The following WASF1 variants were observed in gnomAD, a reference collection of about 807,000 sequenced individuals.
WASF1 encodes WASP family member 1.
In WASF1, 7 loss-of-function variants were observed where a neutral mutation model predicts 50.5. The ratio of observed to expected loss-of-function variants is 0.14; its 90% CI spans 0.08 to 0.26. The LOEUF (loss-of-function observed/expected upper bound fraction) is 0.26. WASF1 is among the 10% of genes least tolerant of loss of function. The pLI is 1.00. For missense variants in WASF1, 470 were observed against 694.7 expected, an observed-to-expected ratio of 0.68 and a Z score of 3.64; for synonymous variants, 205 against 244.0, an observed-to-expected ratio of 0.84 and a Z score of 1.49.
At chr6:110,170,326 G>C (rs1235236599) in intron 2 of WASF1, among the ~76,000 whole-genome samples, 1 of 152,040 alleles carries the variant, frequency 6.6e-6, no homozygotes, top group African/African-American at 2.4e-5. Context: ...AGGCTCAAGT[G>C]ATCCTACTAC....
chr6:110,135,542 G>A (rs995997845), intron 3 of WASF1, among the ~76,000 whole-genome samples: 9 of 151,968 alleles, frequency 5.9e-5, no homozygotes, highest in African/African-American at 2.2e-4. Context: ...TGCACCCTTG[G>A]AATTAATCTA....
intron 4 of WASF1, among the ~76,000 whole-genome samples, chr6:110,115,495 G>A (rs186575101): frequency 6.6e-6 from 1 of 152,290 alleles, no homozygotes; most frequent in Admixed American, 6.5e-5. Flanking sequence ...TGCCAGTAAG[G>A]GAATGTCTTT....
At chr6:110,155,536 CTTTT>C (rs66645132) in intron 3 of WASF1, among the ~76,000 whole-genome samples, 477 of 45,932 alleles carry the variant, frequency 0.01, 1 homozygote, top group African/African-American at 0.033. Flanking sequence ...AAAGTGCCTT[CTTTT>C]TTTTTTTTTT....
intron 3 of WASF1, among the ~76,000 whole-genome samples, chr6:110,154,572 C>T (rs1389038728): frequency 1.3e-5 from 2 of 151,952 alleles, no homozygotes; most frequent in Non-Finnish European, 2.9e-5. Context: ...TTGTTGTTCC[C>T]TAGACTTCAC....
At chr6:110,122,463 T>A (rs1386091410) in intron 4 of WASF1, among the ~76,000 whole-genome samples, 1 of 152,158 alleles carries the variant, frequency 6.6e-6, no homozygotes, top group East Asian at 1.9e-4. Flanking sequence ...GAAATCAAGA[T>A]GTGTTTTTGT....
At chr6:110,109,470 T>C (rs540749143) in intron 5 of WASF1, among the ~76,000 whole-genome samples, 53 of 152,298 alleles carry the variant, frequency 3.5e-4, no homozygotes, top group African/African-American at 1.2e-3. Flanking sequence ...AATAAGGTAA[T>C]TTCTTGATAT....
intron 3 of WASF1, among the ~76,000 whole-genome samples, chr6:110,127,902 G>A (rs1266646930): frequency 6.6e-6 from 1 of 152,028 alleles, no homozygotes; most frequent in African/African-American, 2.4e-5. Context: ...ATTATCTTAT[G>A]ATTTTTAATA....
intron 2 of WASF1, among the ~76,000 whole-genome samples, chr6:110,161,202 T>A (rs1776248970): frequency 6.6e-6 from 1 of 151,644 alleles, no homozygotes; most frequent in African/African-American, 2.4e-5. Flanking sequence ...TTACTTATGT[T>A]ATAGTCTTTT....
At chr6:110,148,320 G>C (rs1584001503) in intron 3 of WASF1, among the ~76,000 whole-genome samples, 1 of 151,858 alleles carries the variant, frequency 6.6e-6, no homozygotes, top group African/African-American at 2.4e-5. Context: ...AAAGGGGTGA[G>C]CAAAACCAAA....
chr6:110,120,842 T>C (rs1368608340), intron 4 of WASF1, among the ~76,000 whole-genome samples: 18 of 151,902 alleles, frequency 1.2e-4, no homozygotes, highest in Non-Finnish European at 1.9e-4. Context: ...AACAGAGATA[T>C]AGACCAATGG....
At chr6:110,176,394 T>C (rs975695156) in intron 2 of WASF1, among the ~76,000 whole-genome samples, 3 of 152,020 alleles carry the variant, frequency 2.0e-5, no homozygotes, top group Non-Finnish European at 4.4e-5. Flanking sequence ...ATTGTTAATA[T>C]TTCATAAATC....
chr6:110,160,818 T>C (rs1776232328), intron 2 of WASF1, 86 bp from the exon 3 acceptor site: 1 of 151,690 alleles, frequency 6.6e-6, no homozygotes, highest in Non-Finnish European at 1.5e-5. Flanking sequence ...TTTCTTTGAA[T>C]AATTAGAACA....
rs1774945067 is a variant in WASF1 at position 110,135,947 on chromosome 6, A to G, written c.-28-8318T>C. Among the ~76,000 whole-genome samples, 4 of 136,960 alleles carry G rather than the reference A, an allele frequency of 2.9e-5. No homozygotes were observed. The South Asian group carries it at 6.9e-4, about 23-fold the overall frequency. The allele number at this position is 136,960 out of a possible 152,430, so 89.9% of individuals were successfully genotyped here. A position where few individuals can be genotyped will look rare whatever the true frequency, so the allele number is the denominator to read the frequency against. On this transcript the variant is annotated intron_variant, in intron 3 of 10. Transcript: ENST00000392589. ...CGCCCAGGCTAGAGTGCAGTGGCGCAATCTCAACTCACTGCAAGCTCCGCC... is the reference window on the plus strand; with the variant it reads ...CGCCCAGGCTAGAGTGCAGTGGCGCGATCTCAACTCACTGCAAGCTCCGCC...
chr6:110,124,368 G>C (rs75209421), intron 4 of WASF1, among the ~76,000 whole-genome samples: 2 of 139,566 alleles, frequency 1.4e-5, no homozygotes, highest in Non-Finnish European at 3.0e-5. Context: ...CCCCTCTCTT[G>C]GCTGAGAGCT....
chr6:110,173,957 C>T (rs1228416657), intron 2 of WASF1, among the ~76,000 whole-genome samples: 1 of 152,178 alleles, frequency 6.6e-6, no homozygotes, highest in African/African-American at 2.4e-5. Flanking sequence ...CCTTCCAAGC[C>T]AAAGTGATCT....
intron 3 of WASF1, among the ~76,000 whole-genome samples, chr6:110,128,338 T>G (rs1320478647): frequency 6.6e-6 from 1 of 152,204 alleles, no homozygotes; most frequent in Non-Finnish European, 1.5e-5. Context: ...AGGGATTTTG[T>G]TCTAGAGAGT....
chr6:110,120,153 C>G (rs1774028099), intron 4 of WASF1, among the ~76,000 whole-genome samples: 1 of 152,144 alleles, frequency 6.6e-6, no homozygotes, highest in South Asian at 2.1e-4. Flanking sequence ...CCGTCTCTCA[C>G]CACTCCTATT....
intron 4 of WASF1, among the ~76,000 whole-genome samples, chr6:110,124,235 CCTCTCT>C (rs10684587): frequency 1.5e-3 from 16 of 11,018 alleles, no homozygotes; most frequent in Non-Finnish European, 2.0e-3. Context: ...TCCTCTCTCT[CCTCTCT>C]CTCTCTCTCT....
At chr6:110,163,161 T>C (rs1776330025) in intron 2 of WASF1, among the ~76,000 whole-genome samples, 1 of 151,528 alleles carries the variant, frequency 6.6e-6, no homozygotes, top group Non-Finnish European at 1.5e-5. Flanking sequence ...TAAGCATAAA[T>C]CTCATAAAAT....
Sources: gnomAD v4.1 joint callset for allele counts (sites outside exome capture counted in the v4.1 genomes callset) on GRCh38, gnomAD v4.1.1 for gene constraint, MANE v1.5 for transcripts, NCBI Gene and HGNC (gene_info 2026-07-23, HGNC 2026-07-21) for gene names.